KIAA1614: variants seen among roughly 807,000 people sequenced by gnomAD.
The protein encoded by KIAA1614 is uncharacterized protein KIAA1614.
In KIAA1614, 76 loss-of-function variants were observed where a neutral mutation model predicts 88.7. That is an observed-to-expected ratio of 0.86 (90% confidence interval 0.71 to 1.04). The LOEUF (loss-of-function observed/expected upper bound fraction) is 1.04. Among genes scored for constraint, KIAA1614 ranks in the 50% least tolerant of loss-of-function variants. KIAA1614 has a pLI of 0.00. For missense variants in KIAA1614, 1,553 were observed against 1,582.5 expected (o/e 0.98, Z 0.32); for synonymous variants, 714 against 675.5 (o/e 1.06, Z -0.88).
Position 180,935,734 on chromosome 1 carries a change from G to T in KIAA1614, c.1825G>T (p.Asp609Tyr). The T allele has an allele frequency of 1.9e-6, 3 of 1,613,846 alleles. No homozygotes were observed. Among genetic ancestry groups the T allele is most frequent in the Non-Finnish European group, 2.5e-6 (3 of 1,179,954 alleles). Residue 609 changes from aspartate (D) to tyrosine (Y), a missense_variant, in exon 5 of 9, where the codon GAC becomes TAC. Physicochemically the swap from Asp to Tyr is radical, Grantham distance 160. Transcript: ENST00000367588. This position sits in a 1 kb window ranked among gnomAD's most constrained non-coding sequence, Gnocchi z 6.1. ...IGDTVCPAEV[D>Y]SALDSTDNSD... ...AGACACCGTGTGCCCTGCGGAGGTG[G>T]ACTCTGCCCTGGACAGCACAGACAA...
chr1:180,945,272 T>C, intron 8 of KIAA1614, 31 bp from the exon 9 acceptor site: 4 of 1,564,244 alleles, frequency 2.6e-6, no homozygotes, highest in Non-Finnish European at 3.4e-6. Flanking sequence ...TGATGCTTTT[T>C]GCCCTCACTG....
intron 3 of KIAA1614, among the ~76,000 whole-genome samples, chr1:180,925,720 T>A (rs954281957): frequency 2.0e-5 from 3 of 152,160 alleles, no homozygotes; most frequent in African/African-American, 7.2e-5. Flanking sequence ...CTGCCCTTTG[T>A]CCTTGTGAAC....
At position 180,917,909 on chromosome 1, in the gene KIAA1614, G is replaced by C. The variant is rs1429417215; in HGVS notation, c.1056G>C (p.Gln352His). The change falls in exon 3 of 9, where the codon CAG (glutamine) becomes CAC (histidine). Residue 352 changes from glutamine (Q) to histidine (H), a missense_variant. Physicochemically the swap from Gln to His is conservative, Grantham distance 24. Coordinates refer to ENST00000367588, the MANE Select transcript of KIAA1614 (RefSeq NM_020950.2). ...GCACCTCCTTGCAGGACTCCGGCCA[G>C]AACAGGTAAGAGCTCAGAGCCCACA... The part of the protein sequence containing the change: ...ASGTSLQDSG[Q>H]NRTVGPNPEP... The C allele has an allele frequency of 6.2e-7, 1 of 1,613,524 alleles. No individual in the cohort carries two copies. Among genetic ancestry groups the C allele is most frequent in the East Asian group, 2.2e-5 (1 of 44,886 alleles).
At chr1:180,922,541 C>T (rs902358689) in intron 3 of KIAA1614, among the ~76,000 whole-genome samples, 2 of 152,206 alleles carry the variant, frequency 1.3e-5, no homozygotes, top group Admixed American at 1.3e-4. Context: ...AGACAGGCAG[C>T]CCTAAAGAAT....
At chr1:180,936,728 C>A in intron 5 of KIAA1614, 58 bp downstream of exon 5, 1 of 1,173,378 alleles carries the variant, frequency 8.5e-7, no homozygotes, top group Non-Finnish European at 1.2e-6. Flanking sequence ...CTACAGCAGA[C>A]GCCCAGACCC....
chr1:180,941,084 G>A lies in KIAA1614; in HGVS notation c.2958G>A (p.Ser986=), dbSNP rs1343645957. 4.1e-5 allele frequency: 55 copies of A among 1,346,894 alleles called. No homozygotes were observed. In the East Asian group the frequency reaches 1.8e-3, roughly 45 times the overall value. 83.4% of individuals were successfully genotyped at this position (1,346,894 alleles called of 1,614,324 possible). The change falls in exon 7 of 9, where the codon TCG becomes TCA. Residue 986 remains serine (S), a synonymous_variant. Transcript: ENST00000367588. ...CTGGCACAGGACCCGGCTCCCCCTC[G>A]GCTGCCCCTTTGGACCAGAACAAGA... ...AGAGTGPGSP[S]AAPLDQNKKR...
chr1:180,926,888 C>T (rs911334332), intron 3 of KIAA1614, among the ~76,000 whole-genome samples: 1 of 152,216 alleles, frequency 6.6e-6, no homozygotes, highest in Non-Finnish European at 1.5e-5. Context: ...CCTGGAGATT[C>T]GCTTTCCCAT....
chr1:180,948,145 G>A lies in KIAA1614; in HGVS notation c.*2557G>A, dbSNP rs969770995. 1 of 152,188 alleles carries A rather than the reference G, an allele frequency of 6.6e-6. No homozygotes were observed. The highest frequency in any genetic ancestry group is 1.5e-5 in the Non-Finnish European group (1 of 68,028). 9.4% of individuals were successfully genotyped at this position (152,188 alleles called of 1,614,324 possible). A position where few individuals can be genotyped will look rare whatever the true frequency, so the allele number is the denominator to read the frequency against. Reference sequence around the variant, plus strand: ...ACTCCCTGGTCCTGCTGCCATCATGGGCGCTGGATGGCACACAGGGGTCCC... The same window carrying A: ...ACTCCCTGGTCCTGCTGCCATCATGAGCGCTGGATGGCACACAGGGGTCCC... On this transcript the variant is annotated 3_prime_UTR_variant, in exon 9 of 9. Transcript: ENST00000367588.
intron 1 of KIAA1614, among the ~76,000 whole-genome samples, chr1:180,915,892 A>T (rs1653782597): frequency 6.6e-6 from 1 of 152,196 alleles, no homozygotes; most frequent in Non-Finnish European, 1.5e-5. Context: ...CTAATGCCTC[A>T]TGATGTGAAG....
intron 7 of KIAA1614, among the ~76,000 whole-genome samples, chr1:180,943,034 T>TTTTGTTTGTTTG (rs1553260095): frequency 1.4e-5 from 2 of 139,506 alleles, no homozygotes; most frequent in African/African-American, 3.0e-5. Context: ...TTGGGTTTTT[T>TTTTGTTTGTTTG]TTTTTTTTTT....
chr1:180,921,598 G>C (rs986390207), intron 3 of KIAA1614, among the ~76,000 whole-genome samples: 4 of 152,166 alleles, frequency 2.6e-5, no homozygotes, highest in Non-Finnish European at 5.9e-5. Flanking sequence ...GCCCCCACAG[G>C]CCACCCCTTG....
intron 3 of KIAA1614, among the ~76,000 whole-genome samples, chr1:180,923,773 CCCACCATCCCA>C (rs1654005907): frequency 1.3e-5 from 2 of 151,968 alleles, no homozygotes; most frequent in African/African-American, 4.8e-5. Flanking sequence ...AAGAGACACT[CCCACCATCCCA>C]GCACCACCCC....
chr1:180,924,886 A>AATAATAATAAT (rs1553258598), intron 3 of KIAA1614, among the ~76,000 whole-genome samples: 3 of 142,640 alleles, frequency 2.1e-5, no homozygotes, highest in African/African-American at 7.6e-5. Flanking sequence ...GCTAATGATA[A>AATAATAATAAT]AATAATAATA....
At chr1:180,921,223 G>GT (rs1410249190) in intron 3 of KIAA1614, among the ~76,000 whole-genome samples, 1 of 151,492 alleles carries the variant, frequency 6.6e-6, no homozygotes, top group Admixed American at 6.6e-5. Flanking sequence ...AGGGGCGGGG[G>GT]GTCACAAGGT....
chr1:180,928,342 A>G (rs1305896988), intron 3 of KIAA1614, 88 bp from the exon 4 acceptor site: 1 of 1,353,968 alleles, frequency 7.4e-7, no homozygotes, highest in African/African-American at 1.5e-5. Context: ...TGGCACAGCC[A>G]GTGCTTGACA....
Position 180,947,839 on chromosome 1 carries a change from G to A in KIAA1614, c.*2251G>A, listed in dbSNP as rs1654628467. ...GGTAAGGCACACAGGAAAGGGCCTA[G>A]CATTTTTCTTCCCTCCCCTTCAGAA... On this transcript the variant is annotated 3_prime_UTR_variant, in exon 9 of 9. Transcript: ENST00000367588. 1 of 152,240 alleles carries A rather than the reference G, an allele frequency of 6.6e-6. No individual in the cohort carries two copies. 9.4% of individuals were successfully genotyped at this position (152,240 alleles called of 1,614,324 possible).
At chr1:180,930,541 A>G (rs1049705172) in intron 4 of KIAA1614, among the ~76,000 whole-genome samples, 4 of 152,210 alleles carry the variant, frequency 2.6e-5, no homozygotes, top group African/African-American at 7.2e-5. Flanking sequence ...TTGTAGAGGC[A>G]TTTAGGTTAG....
rs371294856 is a variant in KIAA1614 at position 180,938,519 on chromosome 1, C to T, written c.2762-36C>T. 9.3e-5 allele frequency: 149 copies of T among 1,606,096 alleles called. 1 individual carries two copies. Among genetic ancestry groups the T allele is most frequent in the Middle Eastern group, 5.0e-4 (3 of 6,048 alleles). Reference sequence around the variant, plus strand: ...CCCCCACAGGACCTGTGGGATGAGCCGGTCTGACTCAGGTGGGATGCTGTG... The same window carrying T: ...CCCCCACAGGACCTGTGGGATGAGCTGGTCTGACTCAGGTGGGATGCTGTG... On this transcript the variant is annotated intron_variant, in intron 5 of 8. Coordinates refer to ENST00000367588, the MANE Select transcript of KIAA1614 (RefSeq NM_020950.2).
At position 180,913,081 on chromosome 1, in the gene KIAA1614, G is replaced by T; in HGVS notation, c.-163G>T. 1 of 405,170 alleles carries T rather than the reference G, an allele frequency of 2.5e-6. No individual in the cohort carries two copies. Among genetic ancestry groups the T allele is most frequent in the Non-Finnish European group, 4.1e-6 (1 of 244,892 alleles). The allele number at this position is 405,170 out of a possible 1,614,324, so 25.1% of individuals were successfully genotyped here. ...GCCAGCAGAGCCGGGAGCTGGCCCG[G>T]CCTCGGCGCCGTCCCGGACCCCCAG... On this transcript the variant is annotated 5_prime_UTR_variant, in exon 1 of 9. Transcript: ENST00000367588.
Sources: gnomAD v4.1 joint callset for allele counts (sites outside exome capture counted in the v4.1 genomes callset) on GRCh38, gnomAD v4.1.1 for gene constraint, Gnocchi (gnomAD v3.1) non-coding constraint, MANE v1.5 for transcripts, NCBI Gene and HGNC (gene_info 2026-07-23, HGNC 2026-07-21) for gene names.